The following TCP11L2 variants were observed in gnomAD, a reference collection of about 807,000 sequenced individuals.
The protein encoded by TCP11L2 is T-complex protein 11-like protein 2.
TCP11L2 carries 39 observed loss-of-function variants against 50.7 expected under a neutral mutation model. The observed-to-expected ratio is 0.77, with a 90% confidence interval of 0.60 to 1.01. The LOEUF (loss-of-function observed/expected upper bound fraction) is 1.01. Among genes scored for constraint, TCP11L2 ranks in the 50% least tolerant of loss-of-function variants. TCP11L2 has a pLI of 0.00. For synonymous variants in TCP11L2, 192 were observed against 219.3 expected (o/e 0.88, Z 1.10); for missense variants, 612 against 614.7 (o/e 1.00, Z 0.05).
intron 6 of TCP11L2, among the ~76,000 whole-genome samples, chr12:106,326,256 G>A (rs1170080480): frequency 6.6e-6 from 1 of 152,146 alleles, no homozygotes; most frequent in African/African-American, 2.4e-5. Context: ...CACATCCAGG[G>A]GAGAGCACAT....
upstream of TCP11L2, among the ~76,000 whole-genome samples, chr12:106,302,636 G>C (rs114307783): frequency 6.9e-3 from 1,054 of 151,898 alleles, 15 homozygotes; most frequent in South Asian, 0.026. Context: ...GACGAAGACT[G>C]TTTCTCTAAT....
At chr12:106,304,220 G>C (rs2034535921) in intron 1 of TCP11L2, 1 of 152,350 alleles carries the variant, frequency 6.6e-6, no homozygotes. Context: ...GGCCCCAGAG[G>C]GGGAAGCACA....
chr12:106,342,896 T>C (rs7955419), intron 9 of TCP11L2, among the ~76,000 whole-genome samples: 3,384 of 152,298 alleles, frequency 0.022, 118 homozygotes, highest in African/African-American at 0.077. Flanking sequence ...GGGAAATGCT[T>C]GCAGTATCAG....
At chr12:106,311,470 T>G (rs1255175648) in intron 2 of TCP11L2, among the ~76,000 whole-genome samples, 1 of 152,236 alleles carries the variant, frequency 6.6e-6, no homozygotes, top group African/African-American at 2.4e-5. Flanking sequence ...GGTCTGATGA[T>G]AAGTCAGGAC....
intron 6 of TCP11L2, chr12:106,324,443 T>C (rs1020799896): frequency 6.6e-6 from 1 of 152,148 alleles, no homozygotes; most frequent in African/African-American, 2.4e-5. Flanking sequence ...GCAGGTCACA[T>C]AGAGCATTGT....
At chr12:106,324,458 A>C (rs1196290836) in intron 6 of TCP11L2, 2 of 152,180 alleles carry the variant, frequency 1.3e-5, no homozygotes, top group Non-Finnish European at 2.9e-5. Context: ...CATTGTTAGT[A>C]AATGAGAGGA....
At chr12:106,316,703 T>C (rs988268832) in intron 3 of TCP11L2, among the ~76,000 whole-genome samples, 1 of 152,146 alleles carries the variant, frequency 6.6e-6, no homozygotes, top group Non-Finnish European at 1.5e-5. Context: ...TTTTAATGTA[T>C]TTTTTGCCTT....
At chr12:106,341,083 A>G in intron 9 of TCP11L2, 85 bp downstream of exon 9, 1 of 1,144,106 alleles carries the variant, frequency 8.7e-7, no homozygotes, top group African/African-American at 1.6e-5. Context: ...TCAAATTTTG[A>G]TCTTAAACAC....
At chr12:106,312,208 A>C (rs554320396) in intron 2 of TCP11L2, 1 of 401,790 alleles carries the variant, frequency 2.5e-6, no homozygotes, top group Non-Finnish European at 4.8e-6. Flanking sequence ...TTACCAAGTG[A>C]ATGTACGGTA....
upstream of TCP11L2, among the ~76,000 whole-genome samples, chr12:106,302,356 C>G (rs1395203508): frequency 6.4e-5 from 7 of 109,802 alleles, no homozygotes; most frequent in East Asian, 5.3e-4. Flanking sequence ...CCGCTCAGCC[C>G]CCGCTCAGCC....
intron 2 of TCP11L2, chr12:106,312,543 T>C: frequency 2.0e-6 from 1 of 506,942 alleles, no homozygotes; most frequent in Non-Finnish European, 2.6e-6. Flanking sequence ...TGTATCACCT[T>C]TCTCTTCTTC....
At chr12:106,303,583 C>T (rs923822141) in intron 1 of TCP11L2, 2 of 152,310 alleles carry the variant, frequency 1.3e-5, no homozygotes, top group Admixed American at 6.5e-5. Context: ...GGCCTGGGCT[C>T]GAACGCTGAA....
At chr12:106,335,982 A>C (rs1249319090) in intron 7 of TCP11L2, 50 bp from the exon 8 acceptor site, 1 of 1,519,068 alleles carries the variant, frequency 6.6e-7, no homozygotes, top group Non-Finnish European at 8.8e-7. Flanking sequence ...TTGTATTTTC[A>C]TGCTATTGAG....
intron 2 of TCP11L2, 57 bp from the exon 3 acceptor site, chr12:106,314,301 T>C: frequency 6.3e-7 from 1 of 1,576,990 alleles, no homozygotes; most frequent in East Asian, 2.3e-5. Context: ...ATCAGGAGGC[T>C]TCGTTGGATG....
intron 6 of TCP11L2, among the ~76,000 whole-genome samples, chr12:106,328,402 G>T (rs1342018554): frequency 3.3e-5 from 5 of 152,162 alleles, no homozygotes; most frequent in Non-Finnish European, 5.9e-5. Context: ...AAATTAGCCG[G>T]GTGTGGTGGC....
chr12:106,312,764 C>A (rs1032560462), intron 2 of TCP11L2, among the ~76,000 whole-genome samples: 1 of 152,106 alleles, frequency 6.6e-6, no homozygotes, highest in Non-Finnish European at 1.5e-5. Flanking sequence ...CACCTGTAGT[C>A]CCAGCTACTT....
chr12:106,333,363 G>A (rs996492562), intron 6 of TCP11L2, among the ~76,000 whole-genome samples: 5 of 152,078 alleles, frequency 3.3e-5, no homozygotes, highest in African/African-American at 7.2e-5. Flanking sequence ...TACATAAGTC[G>A]GTGTGGATAA....
upstream of TCP11L2, among the ~76,000 whole-genome samples, chr12:106,300,703 A>G (rs2034394204): frequency 6.6e-6 from 1 of 152,212 alleles, no homozygotes; most frequent in Non-Finnish European, 1.5e-5. Flanking sequence ...TCAGATAGCA[A>G]GTTATTTAAC....
rs568443094 is a variant in TCP11L2 at position 106,345,433 on chromosome 12, C to T, written c.1316-853C>T. Among the ~76,000 whole-genome samples, 11 of 152,220 alleles carry T rather than the reference C, an allele frequency of 7.2e-5. No homozygotes were observed. The South Asian group carries it at 2.3e-3, about 32-fold the overall frequency. On this transcript the variant is annotated intron_variant, in intron 9 of 9. Transcript: ENST00000299045. ...CCTTGCCATGTGGTAATTTGGGCCC[C>T]CAAGTTTGCCAGATCTCTAGATTTT... is the stretch of plus-strand genomic sequence containing the variant.
Sources: gnomAD v4.1 joint callset for allele counts (sites outside exome capture counted in the v4.1 genomes callset) on GRCh38, gnomAD v4.1.1 for gene constraint, MANE v1.5 for transcripts, NCBI Gene and HGNC (gene_info 2026-07-23, HGNC 2026-07-21) for gene names.